Variants in PTPN13 observed in about 807,000 individuals in gnomAD.
The protein encoded by PTPN13 is tyrosine-protein phosphatase non-receptor type 13.
Under a neutral mutation model 284.0 loss-of-function variants are expected in PTPN13, and 191 were observed. The ratio of observed to expected loss-of-function variants is 0.67; its 90% CI spans 0.60 to 0.76. PTPN13 has a LOEUF of 0.76. Ranked by LOEUF, PTPN13 falls within the 30% of genes least tolerant of loss-of-function variation. The probability of loss-of-function intolerance (pLI) is 0.00; values close to 1 mark genes in which losing one functional copy is unlikely to be tolerated. For synonymous variants in PTPN13, 986 were observed against 1,022.3 expected (o/e 0.96, Z 0.68); for missense variants, 2,797 against 2,939.9 (o/e 0.95, Z 1.12).
At chr4:86,810,073 T>G (rs1745060963) in intron 46 of PTPN13, 89 bp downstream of exon 46, 2 of 1,067,924 alleles carry the variant, frequency 1.9e-6, no homozygotes, top group Middle Eastern at 2.5e-4. Flanking sequence ...CTTGGGATAT[T>G]TTAACTTATG....
intron 1 of PTPN13, among the ~76,000 whole-genome samples, chr4:86,600,259 C>G (rs1362421198): frequency 6.6e-6 from 1 of 152,004 alleles, no homozygotes; most frequent in African/African-American, 2.4e-5. Flanking sequence ...GCACAGCTTA[C>G]AAGAAACTGC....
intron 3 of PTPN13, among the ~76,000 whole-genome samples, chr4:86,681,027 A>ATGATGGT (rs1313098039): frequency 6.6e-6 from 1 of 151,850 alleles, no homozygotes; most frequent in Non-Finnish European, 1.5e-5. Flanking sequence ...GATGATTTTG[A>ATGATGGT]TGATGGTGAT....
chr4:86,716,014 T>A (rs1450762946), intron 7 of PTPN13, among the ~76,000 whole-genome samples: 1 of 152,248 alleles, frequency 6.6e-6, no homozygotes, highest in East Asian at 1.9e-4. Flanking sequence ...CTAAGCATTC[T>A]GTGTCAATAT....
chr4:86,704,466 C>T (rs900588328), intron 7 of PTPN13, among the ~76,000 whole-genome samples: 1 of 152,068 alleles, frequency 6.6e-6, no homozygotes, highest in South Asian at 2.1e-4. Context: ...GCATATGATT[C>T]TATTATCTTC....
At chr4:86,803,576 G>T (rs1744303451) in intron 42 of PTPN13, 133 bp from the exon 43 acceptor site, 1 of 980,014 alleles carries the variant, frequency 1.0e-6, no homozygotes, top group African/African-American at 1.6e-5. Flanking sequence ...GTAGGCGACA[G>T]AACAAGATTC....
chr4:86,712,564 A>G (rs1181790701), intron 7 of PTPN13, among the ~76,000 whole-genome samples: 1 of 152,070 alleles, frequency 6.6e-6, no homozygotes, highest in Non-Finnish European at 1.5e-5. Context: ...TTCAGTTAAC[A>G]TAGATACACC....
At chr4:86,714,754 ATATT>A (rs900869670) in intron 7 of PTPN13, among the ~76,000 whole-genome samples, 1 of 152,112 alleles carries the variant, frequency 6.6e-6, no homozygotes, top group African/African-American at 2.4e-5. Context: ...CACTCAGAAA[ATATT>A]CATTTTGTGC....
chr4:86,686,612 A>G, intron 3 of PTPN13, 98 bp from the exon 4 acceptor site: 2 of 792,666 alleles, frequency 2.5e-6, no homozygotes, highest in Non-Finnish European at 4.1e-6. Context: ...ATTGTGTATT[A>G]TATTTTCTTT....
chr4:86,789,114 A>C lies in PTPN13; in HGVS notation c.6345+3178A>C, dbSNP rs34297551. Among the ~76,000 whole-genome samples, 677 of 152,344 alleles carry C rather than the reference A, an allele frequency of 4.4e-3. 2 individuals are homozygous for C. The highest frequency in any genetic ancestry group is 7.0e-3 in the Admixed American group (107 of 15,304). On this transcript the variant is annotated intron_variant, in intron 40 of 47. Transcript: ENST00000411767. ...TAAGTCATTGCGAGTAGGGTATCACAGGGTGTCTTGAAAGCTAAACCTAAA... is the reference window on the plus strand; with the variant it reads ...TAAGTCATTGCGAGTAGGGTATCACCGGGTGTCTTGAAAGCTAAACCTAAA...
chr4:86,716,753 A>T, intron 8 of PTPN13, 128 bp downstream of exon 8: 1 of 774,042 alleles, frequency 1.3e-6, no homozygotes, highest in Non-Finnish European at 2.0e-6. Flanking sequence ...AAATTTAAAA[A>T]AGCTGCTGGT....
In PTPN13 at chr4:86,769,984, G is replaced by A; in HGVS notation, c.4704+1G>A. On this transcript the variant is annotated splice_donor_variant, in intron 29 of 47. Coordinates refer to ENST00000411767, the MANE Select transcript of PTPN13 (RefSeq NM_080683.3). LOFTEE classifies it high-confidence loss of function. ...CTCTTTGAAAGGACTATCTCAGCAG[G>A]TGAGCCCCTAGCATGTGGAGTATAG... 6.2e-7 allele frequency: 1 copy of A among 1,613,772 alleles called. No homozygotes were observed. Among genetic ancestry groups the A allele is most frequent in the Non-Finnish European group, 8.5e-7 (1 of 1,179,750 alleles).
intron 3 of PTPN13, among the ~76,000 whole-genome samples, chr4:86,676,993 C>A (rs905565883): frequency 6.6e-6 from 1 of 152,100 alleles, no homozygotes; most frequent in Non-Finnish European, 1.5e-5. Context: ...AATGGCCGGG[C>A]ACGGTGGCTC....
At chr4:86,605,138 G>A (rs1170842170) in intron 1 of PTPN13, among the ~76,000 whole-genome samples, 1 of 151,964 alleles carries the variant, frequency 6.6e-6, no homozygotes, top group African/African-American at 2.4e-5. Context: ...AGAAAAGGAT[G>A]AGGACAGAGA....
At chr4:86,804,441 CTT>C (rs1744436164) in intron 43 of PTPN13, among the ~76,000 whole-genome samples, 1 of 152,112 alleles carries the variant, frequency 6.6e-6, no homozygotes, top group South Asian at 2.1e-4. Flanking sequence ...CTGCTTTGTG[CTT>C]GTTGCTTTGT....
chr4:86,622,010 A>G (rs1721308962), intron 1 of PTPN13, among the ~76,000 whole-genome samples: 1 of 152,180 alleles, frequency 6.6e-6, no homozygotes, highest in African/African-American at 2.4e-5. Context: ...AATAGAATCC[A>G]TAACAGACAG....
At position 86,771,374 on chromosome 4, in the gene PTPN13, C is replaced by T. The variant is rs1739981031; in HGVS notation, c.5007C>T (p.Asn1669=). 2 of 1,576,458 alleles carry T rather than the reference C, an allele frequency of 1.3e-6. No individual in the cohort carries two copies. Among genetic ancestry groups the T allele is most frequent in the Admixed American group, 1.9e-5 (1 of 53,952 alleles). The change falls in exon 31 of 48, where the codon AAC becomes AAT. Residue 1669 remains asparagine, a synonymous_variant. Transcript: ENST00000411767. ...GEDDLVTAPA[N]ISNSTWSSAL... ...ATGACTTAGTGACAGCTCCAGCAAA[C>T]ATATCAAATTCGACCTGGAGTTCAG...
chr4:86,652,031 A>G (rs1205204529), intron 2 of PTPN13, among the ~76,000 whole-genome samples: 1 of 152,200 alleles, frequency 6.6e-6, no homozygotes, highest in East Asian at 1.9e-4. Flanking sequence ...TCAGTGCACT[A>G]TGATCACACC....
intron 1 of PTPN13, among the ~76,000 whole-genome samples, chr4:86,608,980 A>G (rs974986830): frequency 3.3e-5 from 5 of 152,264 alleles, no homozygotes; most frequent in Non-Finnish European, 7.4e-5. Context: ...GATGCTTTGT[A>G]TGTGGTGATG....
intron 40 of PTPN13, among the ~76,000 whole-genome samples, chr4:86,793,687 A>G (rs1238029009): frequency 6.6e-6 from 1 of 152,250 alleles, no homozygotes; most frequent in Non-Finnish European, 1.5e-5. Context: ...ATTAGAACTC[A>G]GGATTAATAA....
Sources: allele counts gnomAD v4.1 joint callset (sites outside exome capture counted in the v4.1 genomes callset), GRCh38; gene constraint gnomAD v4.1.1; transcripts MANE v1.5; gene names NCBI Gene and HGNC (gene_info 2026-07-23, HGNC 2026-07-21).